Variants in FLRT2 observed in about 807,000 individuals in gnomAD.
The protein encoded by FLRT2 is fibronectin leucine rich transmembrane protein 2.
FLRT2 carries 15 observed loss-of-function variants against 40.0 expected under a neutral mutation model. The ratio of observed to expected loss-of-function variants is 0.38; its 90% CI spans 0.25 to 0.58. The LOEUF is 0.58. FLRT2 is among the 20% of genes least tolerant of loss of function. The pLI is 0.71. For missense variants in FLRT2, 726 were observed against 840.0 expected (o/e 0.86, Z 1.68); for synonymous variants, 380 against 336.8 (o/e 1.13, Z -1.41).
In FLRT2 at chr14:85,643,233, A is replaced by G. The variant is rs1055514754; in HGVS notation, c.*19736A>G. The G allele has an allele frequency of 1.3e-5, 2 of 152,182 alleles. No homozygotes were observed. The highest frequency in any genetic ancestry group is 6.5e-5 in the Admixed American group (1 of 15,268). 9.4% of individuals were successfully genotyped at this position (152,182 alleles called of 1,614,324 possible). On this transcript the variant is annotated 3_prime_UTR_variant, in exon 2 of 2. Transcript: ENST00000330753. Reference sequence around the variant, plus strand: ...TAGGAACATTGGAGTAACCCATCATATGATTCACTTTAATGTCTAAAAACA... The same window carrying G: ...TAGGAACATTGGAGTAACCCATCATGTGATTCACTTTAATGTCTAAAAACA...
In FLRT2 at chr14:85,631,320, C is replaced by G. The variant is rs181566720; in HGVS notation, c.*7823C>G. 1 of 151,720 alleles carries G rather than the reference C, an allele frequency of 6.6e-6. No homozygotes were observed. Among genetic ancestry groups the G allele is most frequent in the East Asian group, 1.9e-4 (1 of 5,164 alleles). The allele number at this position is 151,720 out of a possible 1,614,324, so 9.4% of individuals were successfully genotyped here. On this transcript the variant is annotated 3_prime_UTR_variant, in exon 2 of 2. Transcript: ENST00000330753. ...GAATCACACCTGCCAATTATCTGAC[C>G]GCTTTGTGCGGTTAATATAACTTTA...
At chr14:85,531,923 C>T (rs758874106) in intron 1 of FLRT2, among the ~76,000 whole-genome samples, 1 of 152,188 alleles carries the variant, frequency 6.6e-6, no homozygotes, top group Non-Finnish European at 1.5e-5. Flanking sequence ...CGCGGGCGTG[C>T]GTCTGGGTGG....
At chr14:85,543,843 T>C (rs1244079933) in intron 1 of FLRT2, among the ~76,000 whole-genome samples, 1 of 152,216 alleles carries the variant, frequency 6.6e-6, no homozygotes, top group African/African-American at 2.4e-5. Context: ...CTCCTTTCTC[T>C]GGGCTTCTAC....
chr14:85,572,724 T>C (rs936324243), intron 1 of FLRT2, among the ~76,000 whole-genome samples: 15 of 152,222 alleles, frequency 9.9e-5, no homozygotes, highest in Admixed American at 5.2e-4. Flanking sequence ...TCTCATTCAA[T>C]ACATTTCGTG....
intron 1 of FLRT2, among the ~76,000 whole-genome samples, chr14:85,606,448 C>T (rs1198141057): frequency 6.6e-6 from 1 of 151,642 alleles, no homozygotes; most frequent in Non-Finnish European, 1.5e-5. Context: ...GTGTGGCCAT[C>T]AGAATTAGGT....
rs969202870 is a variant in FLRT2, at chr14:85,633,786, C to T, written c.*10289C>T. ...CTGCACTCCAGCTTAGGCAACTGAGCAAGACCCTGTCTCAAAAAAAAAAAA... is the reference window on the plus strand; with the variant it reads ...CTGCACTCCAGCTTAGGCAACTGAGTAAGACCCTGTCTCAAAAAAAAAAAA... On this transcript the variant is annotated 3_prime_UTR_variant, in exon 2 of 2. Coordinates refer to ENST00000330753, the MANE Select transcript of FLRT2 (RefSeq NM_013231.6). 7.0e-6 allele frequency: 1 copy of T among 142,454 alleles called. No homozygotes were observed. Among genetic ancestry groups the T allele is most frequent in the Non-Finnish European group, 1.5e-5 (1 of 65,532 alleles). 8.8% of individuals were successfully genotyped at this position (142,454 alleles called of 1,614,324 possible). A position where few individuals can be genotyped will look rare whatever the true frequency, so the allele number is the denominator to read the frequency against.
rs907389557 is a variant in FLRT2 at position 85,631,194 on chromosome 14, T to A, written c.*7697T>A. On this transcript the variant is annotated 3_prime_UTR_variant, in exon 2 of 2. Coordinates refer to ENST00000330753, the MANE Select transcript of FLRT2 (RefSeq NM_013231.6). ...GATCTCAAGTTCCTTCAAACCACTATATATGTGCTCAAGGTCTTTCATCCT... is the reference window on the plus strand; with the variant it reads ...GATCTCAAGTTCCTTCAAACCACTAAATATGTGCTCAAGGTCTTTCATCCT... 2.0e-5 allele frequency: 3 copies of A among 148,356 alleles called. No individual in the cohort carries two copies. The highest frequency in any genetic ancestry group is 3.2e-3 in the Middle Eastern group (1 of 314). The allele number at this position is 148,356 out of a possible 1,614,324, so 9.2% of individuals were successfully genotyped here. A position where few individuals can be genotyped will look rare whatever the true frequency, so the allele number is the denominator to read the frequency against.
chr14:85,544,534 T>C (rs1047252277), intron 1 of FLRT2, among the ~76,000 whole-genome samples: 1 of 152,146 alleles, frequency 6.6e-6, no homozygotes, highest in African/African-American at 2.4e-5. Context: ...GCCCATTATT[T>C]CCTGATAGAG....
At chr14:85,534,367 G>A (rs1594979873) in intron 1 of FLRT2, among the ~76,000 whole-genome samples, 1 of 152,146 alleles carries the variant, frequency 6.6e-6, no homozygotes. Flanking sequence ...TTTAAAAAAT[G>A]ATTTGAGCCC....
Position 85,653,975 on chromosome 14 carries a change from C to T in FLRT2, c.*30478C>T, listed in dbSNP as rs1894491220. 1 of 152,118 alleles carries T rather than the reference C, an allele frequency of 6.6e-6. No individual in the cohort carries two copies. Among genetic ancestry groups the T allele is most frequent in the African/African-American group, 2.4e-5 (1 of 41,424 alleles). 9.4% of individuals were successfully genotyped at this position (152,118 alleles called of 1,614,324 possible). On this transcript the variant is annotated 3_prime_UTR_variant, in exon 2 of 2. Transcript: ENST00000330753. Reference sequence around the variant, plus strand: ...AGTACATGATTCCTAAATGCTATTGCTCACCTCAAGTCAATGTCACTTTGT... The same window carrying T: ...AGTACATGATTCCTAAATGCTATTGTTCACCTCAAGTCAATGTCACTTTGT...
At chr14:85,554,834 C>A (rs989946335) in intron 1 of FLRT2, among the ~76,000 whole-genome samples, 1 of 152,114 alleles carries the variant, frequency 6.6e-6, no homozygotes, top group African/African-American at 2.4e-5. Context: ...TTACAGGATG[C>A]CCATTAAGAG....
In FLRT2 at chr14:85,621,812, C is replaced by T; in HGVS notation, c.298C>T (p.Leu100=). ...CACGGTCTACCTGTATGGCAACCAA[C>T]TGGACGAATTCCCCATGAACCTTCC... ...VHTVYLYGNQ[L]DEFPMNLPKN... is the part of the protein sequence containing the mutation. Residue 100 remains leucine, a synonymous_variant, in exon 2 of 2, where the codon CTG becomes TTG. Coordinates refer to ENST00000330753, the MANE Select transcript of FLRT2 (RefSeq NM_013231.6). 6.2e-7 allele frequency: 1 copy of T among 1,614,202 alleles called. No individual in the cohort carries two copies.
intron 1 of FLRT2, among the ~76,000 whole-genome samples, chr14:85,548,968 G>A (rs1377224985): frequency 1.3e-5 from 2 of 152,202 alleles, no homozygotes; most frequent in African/African-American, 2.4e-5. Flanking sequence ...TTGGAGAAAA[G>A]CAGCTTGACT....
At chr14:85,605,687 A>G (rs1024857084) in intron 1 of FLRT2, among the ~76,000 whole-genome samples, 4 of 152,070 alleles carry the variant, frequency 2.6e-5, no homozygotes, top group South Asian at 4.1e-4. Context: ...GGAGAATGGC[A>G]TGAACTGGAG....
Position 85,650,343 on chromosome 14 carries a change from T to G in FLRT2, c.*26846T>G, listed in dbSNP as rs1894404583. On this transcript the variant is annotated 3_prime_UTR_variant, in exon 2 of 2. Coordinates refer to ENST00000330753, the MANE Select transcript of FLRT2 (RefSeq NM_013231.6). ...TAGATACATATATATTTAAAATATA[T>G]AGGTATTTTAATTTTACTGTATTAT... 1 of 151,850 alleles carries G rather than the reference T, an allele frequency of 6.6e-6. No homozygotes were observed. Among genetic ancestry groups the G allele is most frequent in the Non-Finnish European group, 1.5e-5 (1 of 67,930 alleles). The allele number at this position is 151,850 out of a possible 1,614,324, so 9.4% of individuals were successfully genotyped here. A position where few individuals can be genotyped will look rare whatever the true frequency, so the allele number is the denominator to read the frequency against.
chr14:85,616,270 A>C (rs571195056), intron 1 of FLRT2, among the ~76,000 whole-genome samples: 22 of 151,972 alleles, frequency 1.4e-4, no homozygotes, highest in African/African-American at 5.1e-4. Flanking sequence ...CTGGAGAGGA[A>C]GCAACATATT....
intron 1 of FLRT2, among the ~76,000 whole-genome samples, chr14:85,614,555 A>C (rs1323932907): frequency 6.6e-6 from 1 of 152,192 alleles, no homozygotes; most frequent in East Asian, 1.9e-4. Context: ...CCTGAAAGCA[A>C]TTCCTGATAG....
In FLRT2 at chr14:85,624,075, C is replaced by G. The variant is rs1271473822; in HGVS notation, c.*578C>G. 1.2e-5 allele frequency: 2 copies of G among 167,058 alleles called. No homozygotes were observed. Among genetic ancestry groups the G allele is most frequent in the African/African-American group, 4.8e-5 (2 of 41,438 alleles). The allele number at this position is 167,058 out of a possible 1,614,324, so 10.3% of individuals were successfully genotyped here. ...TGAAAGCACCAGGAGGAAGCCGGTT[C>G]CCGTGAGATAAGTTAACCCGGCCTG... On this transcript the variant is annotated 3_prime_UTR_variant, in exon 2 of 2. Transcript: ENST00000330753.
intron 1 of FLRT2, among the ~76,000 whole-genome samples, chr14:85,583,063 G>T (rs1891462276): frequency 6.6e-6 from 1 of 152,200 alleles, no homozygotes; most frequent in Admixed American, 6.5e-5. Flanking sequence ...TCCCATGTGA[G>T]AAATGAAATT....
Sources: gnomAD v4.1 joint callset for allele counts (sites outside exome capture counted in the v4.1 genomes callset) on GRCh38, gnomAD v4.1.1 for gene constraint, MANE v1.5 for transcripts, NCBI Gene and HGNC (gene_info 2026-07-23, HGNC 2026-07-21) for gene names.